SLC9B1: variants seen among roughly 807,000 people sequenced by gnomAD.
SLC9B1 encodes the protein sodium/hydrogen exchanger 9B1.
Under a neutral mutation model 51.7 loss-of-function variants are expected in SLC9B1, and 32 were observed. That is an observed-to-expected ratio of 0.62 (90% confidence interval 0.47 to 0.83). SLC9B1 has a LOEUF of 0.83. Among genes scored for constraint, SLC9B1 ranks in the 40% least tolerant of loss-of-function variants. The pLI, the probability that SLC9B1 is intolerant of heterozygous loss-of-function variation, is 0.00. For synonymous variants in SLC9B1, 145 were observed against 212.7 expected (o/e 0.68, Z 2.77); for missense variants, 406 against 613.2 (o/e 0.66, Z 3.57).
intron 7 of SLC9B1, among the ~76,000 whole-genome samples, chr4:102,926,930 C>G (rs1736213785): frequency 6.6e-6 from 1 of 152,102 alleles, no homozygotes; most frequent in African/African-American, 2.4e-5. Context: ...GAACAGAGGC[C>G]TCAGAAATAA....
At chr4:102,990,016 T>G (rs549711736) in intron 2 of SLC9B1, 75 bp from the exon 3 acceptor site, 10 of 1,199,336 alleles carry the variant, frequency 8.3e-6, no homozygotes, top group Non-Finnish European at 1.2e-5. Context: ...ACCACCAAAT[T>G]TTAGAATTAA....
intron 1 of SLC9B1, among the ~76,000 whole-genome samples, chr4:103,000,008 C>T (rs1222158407): frequency 6.6e-6 from 1 of 152,126 alleles, no homozygotes; most frequent in Non-Finnish European, 1.5e-5. Context: ...GAAGTGCAAG[C>T]AGGGGAAAAT....
rs531308481 is a variant in SLC9B1 at position 102,973,616 on chromosome 4, C to T, written c.211+16184G>A. The stretch of plus-strand genomic sequence containing the variant: ...GAAGCCTGATAAAGTCTTAGGAGAA[C>T]TGAACCTATACTAGCCTATGAATCA... On this transcript the variant is annotated intron_variant, in intron 3 of 11. Coordinates refer to ENST00000296422, the MANE Select transcript of SLC9B1 (RefSeq NM_139173.4). Among the ~76,000 whole-genome samples the T allele has an allele frequency of 6.3e-4, 96 of 152,238 alleles. 1 individual carries two copies. Among genetic ancestry groups the T allele is most frequent in the Non-Finnish European group, 2.6e-4 (18 of 68,006 alleles).
At chr4:102,898,648 T>C (rs550692183), downstream of SLC9B1, among the ~76,000 whole-genome samples, 51 of 152,262 alleles carry the variant, frequency 3.3e-4, no homozygotes, top group Non-Finnish European at 5.9e-4. Flanking sequence ...AAAATTTTGC[T>C]TTAATAAAAA....
At chr4:102,972,970 T>C (rs1738843230) in intron 3 of SLC9B1, among the ~76,000 whole-genome samples, 1 of 152,102 alleles carries the variant, frequency 6.6e-6, no homozygotes, top group Non-Finnish European at 1.5e-5. Flanking sequence ...GTGAATAGAA[T>C]AGAACTAGAA....
chr4:102,912,946 A>G (rs1735408159), intron 7 of SLC9B1, among the ~76,000 whole-genome samples: 1 of 152,240 alleles, frequency 6.6e-6, no homozygotes, highest in Non-Finnish European at 1.5e-5. Flanking sequence ...TTGATTCTCC[A>G]TAAAGATACC....
chr4:102,931,225 C>CA (rs34843459), intron 7 of SLC9B1, among the ~76,000 whole-genome samples: 71,805 of 122,256 alleles, frequency 0.59, 19,732 homozygotes, highest in African/African-American at 0.71. Context: ...GACTCCGCCT[C>CA]AAAAAAAAAA....
At chr4:102,937,934 A>G (rs1340764769) in intron 6 of SLC9B1, among the ~76,000 whole-genome samples, 1 of 152,162 alleles carries the variant, frequency 6.6e-6, no homozygotes. Context: ...GTTTAAGTAC[A>G]TAGAACATTG....
chr4:103,013,067 T>C (rs1186180798), intron 1 of SLC9B1, among the ~76,000 whole-genome samples: 1 of 152,176 alleles, frequency 6.6e-6, no homozygotes, highest in Non-Finnish European at 1.5e-5. Context: ...TTCTTTCTCT[T>C]AGCACCAAAC....
intron 6 of SLC9B1, among the ~76,000 whole-genome samples, chr4:102,940,756 C>T (rs1488471092): frequency 6.6e-6 from 1 of 152,094 alleles, no homozygotes; most frequent in Non-Finnish European, 1.5e-5. Flanking sequence ...TATCCAGAAT[C>T]TATAAGGAAC....
chr4:102,907,726 C>A (rs1478178291), intron 9 of SLC9B1, among the ~76,000 whole-genome samples: 1 of 152,066 alleles, frequency 6.6e-6, no homozygotes, highest in African/African-American at 2.4e-5. Context: ...GATGTCTCTT[C>A]CTTGAGGCAT....
At chr4:102,946,116 T>C (rs1426558851) in intron 5 of SLC9B1, among the ~76,000 whole-genome samples, 1 of 152,342 alleles carries the variant, frequency 6.6e-6, no homozygotes, top group South Asian at 2.1e-4. Context: ...TACTTCTCCA[T>C]AGAAGAGCCT....
intron 3 of SLC9B1, among the ~76,000 whole-genome samples, chr4:102,969,305 A>G (rs958700931): frequency 1.3e-5 from 2 of 152,172 alleles, no homozygotes; most frequent in Admixed American, 1.3e-4. Context: ...TCAGGCAGCA[A>G]TATTTGCTGT....
At chr4:102,965,494 G>A (rs1190509638) in intron 3 of SLC9B1, among the ~76,000 whole-genome samples, 5 of 152,138 alleles carry the variant, frequency 3.3e-5, no homozygotes, top group African/African-American at 1.2e-4. Context: ...CTCACTATAT[G>A]AGGACTGCAC....
In SLC9B1 at chr4:102,941,250, G is replaced by A. The variant is rs540953496; in HGVS notation, c.653+3943C>T. On this transcript the variant is annotated intron_variant, in intron 6 of 11. Coordinates refer to ENST00000296422, the MANE Select transcript of SLC9B1 (RefSeq NM_139173.4). ...GAAAATATTTGCAAACCATGCATTC[G>A]ACAAAAGTCTAATATCCAGAATCCA... Among the ~76,000 whole-genome samples, 7 of 152,076 alleles carry A rather than the reference G, an allele frequency of 4.6e-5. No homozygotes were observed. In the South Asian group the frequency reaches 8.3e-4, roughly 18 times the overall value.
chr4:102,986,810 G>A (rs1322260153), intron 3 of SLC9B1, among the ~76,000 whole-genome samples: 1 of 152,010 alleles, frequency 6.6e-6, no homozygotes, highest in Non-Finnish European at 1.5e-5. Context: ...TTGATATCTG[G>A]CATCTCTTTC....
intron 5 of SLC9B1, 22 bp from the exon 6 acceptor site, chr4:102,945,342 C>T (rs572431841): frequency 2.9e-5 from 45 of 1,536,424 alleles, no homozygotes; most frequent in Non-Finnish European, 3.6e-5. Context: ...AACAGTCACA[C>T]TTAGATACAT....
At chr4:102,894,473 A>G (rs1734438775) in intron 11 of SLC9B1, among the ~76,000 whole-genome samples, 1 of 152,196 alleles carries the variant, frequency 6.6e-6, no homozygotes, top group South Asian at 2.1e-4. Flanking sequence ...AAATATTTTA[A>G]AGAGGAATAT....
chr4:102,953,975 C>T (rs377465271), intron 3 of SLC9B1, among the ~76,000 whole-genome samples: 107 of 22,560 alleles, frequency 4.7e-3, no homozygotes, highest in Admixed American at 5.6e-3. Context: ...CCTTCTCCTG[C>T]CTGATTGCCC....
Sources: gnomAD v4.1 joint callset for allele counts (sites outside exome capture counted in the v4.1 genomes callset) on GRCh38, gnomAD v4.1.1 for gene constraint, MANE v1.5 for transcripts, NCBI Gene and HGNC (gene_info 2026-07-23, HGNC 2026-07-21) for gene names.